ANO3: variants seen among roughly 807,000 people sequenced by gnomAD.
ANO3 encodes the protein anoctamin-3.
ANO3 carries 99 observed loss-of-function variants against 144.8 expected under a neutral mutation model. The ratio of observed to expected loss-of-function variants is 0.68; its 90% CI spans 0.58 to 0.81. ANO3 has a LOEUF of 0.81. Among genes scored for constraint, ANO3 ranks in the 30% least tolerant of loss-of-function variants. The probability of loss-of-function intolerance (pLI) is 0.00; values close to 1 mark genes in which losing one functional copy is unlikely to be tolerated. For missense variants in ANO3, 905 were observed against 1,202.2 expected (o/e 0.75, Z 3.66); for synonymous variants, 414 against 392.6 (o/e 1.05, Z -0.64).
At chr11:26,537,549 C>A (rs1849542973) in intron 10 of ANO3, 88 bp downstream of exon 10, 1 of 1,129,538 alleles carries the variant, frequency 8.9e-7, no homozygotes, top group South Asian at 1.2e-5. Flanking sequence ...TCTAGCTGTC[C>A]ACTCCCAGGA....
rs117350955 is a variant in ANO3, at chr11:26,199,101, A to G, written c.154+9771A>G. Among the ~76,000 whole-genome samples, 673 of 146,100 alleles carry G rather than the reference A, an allele frequency of 4.6e-3. 1 individual carries two copies. The highest frequency in any genetic ancestry group is 7.9e-3 in the Non-Finnish European group (514 of 65,192). On this transcript the variant is annotated intron_variant, in intron 1 of 27. Coordinates refer to the ANO3 transcript ENST00000672621. ...TTACTATTTCTGGGAGATCAATTTT[A>G]GGTTTCCACTTTTTTTTTTTTCCTG...
At chr11:26,522,292 T>C (rs1862115075) in intron 6 of ANO3, among the ~76,000 whole-genome samples, 1 of 152,076 alleles carries the variant, frequency 6.6e-6, no homozygotes, top group Non-Finnish European at 1.5e-5. Flanking sequence ...AAAAATAATA[T>C]GAAATATAAA....
At chr11:26,247,077 A>C (rs1419988803) in intron 1 of ANO3, among the ~76,000 whole-genome samples, 1 of 152,230 alleles carries the variant, frequency 6.6e-6, no homozygotes, top group African/African-American at 2.4e-5. Flanking sequence ...AAGTTTATTT[A>C]AAACAGTTTT....
At chr11:26,294,747 A>G (rs1053414322) in intron 1 of ANO3, among the ~76,000 whole-genome samples, 1 of 152,186 alleles carries the variant, frequency 6.6e-6, no homozygotes, top group Non-Finnish European at 1.5e-5. Flanking sequence ...TGAAACTTTA[A>G]AAACACATCG....
At chr11:26,292,546 G>A (rs548075881) in intron 1 of ANO3, among the ~76,000 whole-genome samples, 4 of 152,218 alleles carry the variant, frequency 2.6e-5, no homozygotes, top group Middle Eastern at 3.4e-3. Context: ...CATCTTTGTG[G>A]TTTTTATCTA....
At chr11:26,402,943 G>A (rs183050727) in intron 1 of ANO3, among the ~76,000 whole-genome samples, 2 of 150,954 alleles carry the variant, frequency 1.3e-5, no homozygotes, top group Admixed American at 1.3e-4. Context: ...GCATCAATTC[G>A]CCAGCTCACC....
chr11:26,264,581 C>T, intron 1 of ANO3, among the ~76,000 whole-genome samples: 1 of 152,102 alleles, frequency 6.6e-6, no homozygotes, highest in East Asian at 1.9e-4. Flanking sequence ...CATTAGTCTG[C>T]TAAGGCTGCC....
At chr11:26,337,169 A>G (rs1482958039) in intron 1 of ANO3, among the ~76,000 whole-genome samples, 4 of 152,234 alleles carry the variant, frequency 2.6e-5, no homozygotes, top group Admixed American at 2.6e-4. Context: ...GAAAAAAAAC[A>G]CAAGTGTCTG....
At chr11:26,424,680 G>T (rs1453867106) in intron 1 of ANO3, among the ~76,000 whole-genome samples, 2 of 151,992 alleles carry the variant, frequency 1.3e-5, no homozygotes, top group African/African-American at 2.4e-5. Flanking sequence ...TTCTACATCA[G>T]TATTTCTTAA....
chr11:26,460,999 A>G (rs1319257678), intron 3 of ANO3, among the ~76,000 whole-genome samples: 4 of 152,124 alleles, frequency 2.6e-5, no homozygotes, highest in Non-Finnish European at 5.9e-5. Context: ...CCAACAGCAC[A>G]TGCCATTTGC....
At chr11:26,584,013 A>G (rs1323012619) in intron 14 of ANO3, among the ~76,000 whole-genome samples, 2 of 152,206 alleles carry the variant, frequency 1.3e-5, no homozygotes, top group Non-Finnish European at 1.5e-5. Flanking sequence ...CTAATCAACC[A>G]TATTAAAAGT....
intron 1 of ANO3, among the ~76,000 whole-genome samples, chr11:26,190,307 C>T (rs1194535569): frequency 6.6e-6 from 1 of 151,958 alleles, no homozygotes; most frequent in Non-Finnish European, 1.5e-5. Flanking sequence ...ATTTATTGCT[C>T]ATAGATTATT....
chr11:26,285,100 T>C (rs1853774438), intron 1 of ANO3, among the ~76,000 whole-genome samples: 1 of 152,110 alleles, frequency 6.6e-6, no homozygotes, highest in Non-Finnish European at 1.5e-5. Flanking sequence ...GTGTACAATT[T>C]TTTTTTTTAA....
chr11:26,413,002 A>G (rs752950299), intron 1 of ANO3, among the ~76,000 whole-genome samples: 1 of 152,068 alleles, frequency 6.6e-6, no homozygotes, highest in Non-Finnish European at 1.5e-5. Context: ...TTAGGGGATA[A>G]CTATTGTTCC....
intron 14 of ANO3, chr11:26,563,145 C>T (rs370904257): frequency 6.8e-5 from 109 of 1,611,614 alleles, no homozygotes; most frequent in Middle Eastern, 3.3e-4. Context: ...ATAAAGTCGC[C>T]GATGGGAAAA....
intron 24 of ANO3, among the ~76,000 whole-genome samples, chr11:26,653,509 T>C (rs1410502384): frequency 6.6e-6 from 1 of 152,146 alleles, no homozygotes; most frequent in Non-Finnish European, 1.5e-5. Flanking sequence ...AGTTCATTCA[T>C]GTAATTCATG....
chr11:26,454,041 A>G (rs1454406355), intron 3 of ANO3, among the ~76,000 whole-genome samples: 2 of 152,208 alleles, frequency 1.3e-5, no homozygotes, highest in African/African-American at 4.8e-5. Flanking sequence ...GAACAAAGAC[A>G]CAACATACCA....
intron 1 of ANO3, among the ~76,000 whole-genome samples, chr11:26,337,271 T>C (rs549567257): frequency 2.6e-5 from 4 of 152,226 alleles, no homozygotes; most frequent in Non-Finnish European, 5.9e-5. Context: ...CTGTTTAAAA[T>C]GATGGCTTTG....
At chr11:26,361,322 A>C (rs1479153492) in intron 1 of ANO3, among the ~76,000 whole-genome samples, 2 of 152,124 alleles carry the variant, frequency 1.3e-5, no homozygotes, top group Non-Finnish European at 2.9e-5. Context: ...ATGTCATTTT[A>C]TTTTTCCAGG....
Sources: allele counts gnomAD v4.1 joint callset (sites outside exome capture counted in the v4.1 genomes callset), GRCh38; gene constraint gnomAD v4.1.1; transcripts MANE v1.5; gene names NCBI Gene and HGNC (gene_info 2026-07-23, HGNC 2026-07-21).